CHD1: variants seen among roughly 807,000 people sequenced by gnomAD.
CHD1 encodes ATP-dependent chromatin remodeler CHD1.
In CHD1, 36 loss-of-function variants were observed where a neutral mutation model predicts 224.2. The observed-to-expected ratio is 0.16, with a 90% confidence interval of 0.12 to 0.21. The LOEUF (loss-of-function observed/expected upper bound fraction) is 0.21, where lower values mean the gene tolerates loss of function less well. CHD1 is among the 10% of genes least tolerant of loss of function. The probability of loss-of-function intolerance (pLI) is 1.00; values close to 1 mark genes in which losing one functional copy is unlikely to be tolerated. For missense variants in CHD1, 1,378 were observed against 1,994.8 expected (o/e 0.69, Z 5.89); for synonymous variants, 668 against 658.3 (o/e 1.01, Z -0.23).
At chr5:98,879,448 A>G (rs1028615934) in intron 23 of CHD1, 104 bp downstream of exon 23, 2 of 957,012 alleles carry the variant, frequency 2.1e-6, no homozygotes, top group Non-Finnish European at 3.0e-6. Flanking sequence ...CAAGGCCATT[A>G]CAAGAAAAGA....
At chr5:98,880,165 C>T (rs1750064953) in intron 22 of CHD1, among the ~76,000 whole-genome samples, 1 of 152,196 alleles carries the variant, frequency 6.6e-6, no homozygotes, top group African/African-American at 2.4e-5. Context: ...TGAGAGCACA[C>T]TAATTTCTGT....
chr5:98,873,818 C>T (rs925233061), intron 25 of CHD1, 95 bp from the exon 26 acceptor site: 24 of 1,111,810 alleles, frequency 2.2e-5, no homozygotes, highest in Admixed American at 4.4e-5. Flanking sequence ...CTGAATATCA[C>T]TCTACTGCAT....
intron 2 of CHD1, among the ~76,000 whole-genome samples, chr5:98,920,803 A>C (rs1350194484): frequency 2.0e-5 from 3 of 151,690 alleles, no homozygotes; most frequent in African/African-American, 7.3e-5. Flanking sequence ...TCTCAAAAAA[A>C]AAAAAAAAAA....
At chr5:98,910,004 T>A (rs1214492351) in intron 2 of CHD1, among the ~76,000 whole-genome samples, 1 of 152,180 alleles carries the variant, frequency 6.6e-6, no homozygotes, top group Admixed American at 6.5e-5. Flanking sequence ...CCCAGCCATT[T>A]TATCAAAAAG....
At chr5:98,877,114 A>G (rs1749817648) in intron 23 of CHD1, among the ~76,000 whole-genome samples, 1 of 152,220 alleles carries the variant, frequency 6.6e-6, no homozygotes, top group South Asian at 2.1e-4. Context: ...CTGAGGCTGC[A>G]GTGAGCCATG....
At chr5:98,892,039 T>C (rs1005936769) in intron 15 of CHD1, among the ~76,000 whole-genome samples, 3 of 152,236 alleles carry the variant, frequency 2.0e-5, no homozygotes, top group Non-Finnish European at 4.4e-5. Context: ...TGCAATTAAA[T>C]GTTTAAACAG....
chr5:98,916,459 C>T (rs193019126), intron 2 of CHD1, among the ~76,000 whole-genome samples: 21 of 145,058 alleles, frequency 1.4e-4, no homozygotes, highest in East Asian at 1.2e-3. Flanking sequence ...GCAAGAGAAT[C>T]GCTTGAACCC....
intron 26 of CHD1, among the ~76,000 whole-genome samples, 174 bp downstream of exon 26, chr5:98,873,419 C>T (rs162141): frequency 0.053 from 8,135 of 152,152 alleles, 718 homozygotes; most frequent in African/African-American, 0.19. Flanking sequence ...CTACTGCCTT[C>T]GAATTGCAAT....
intron 14 of CHD1, 72 bp from the exon 15 acceptor site, chr5:98,892,785 T>G: frequency 1.0e-6 from 1 of 963,268 alleles, no homozygotes; most frequent in Non-Finnish European, 1.4e-6. Context: ...GAACTTTTTT[T>G]TTTAGGGGAG....
chr5:98,868,469 T>C (rs1186119278), intron 31 of CHD1, 26 bp downstream of exon 31: 1 of 1,582,400 alleles, frequency 6.3e-7, no homozygotes, highest in Non-Finnish European at 8.5e-7. Context: ...GAGTTAATAC[T>C]AATAATCAGA....
chr5:98,883,216 T>A lies in CHD1; in HGVS notation c.2590A>T (p.Thr864Ser). 1 of 1,576,586 alleles carries A rather than the reference T, an allele frequency of 6.3e-7. No individual in the cohort carries two copies. The highest frequency in any genetic ancestry group is 8.5e-7 in the Non-Finnish European group (1 of 1,169,886). Residue 864 changes from threonine (T) to serine (S), a missense_variant, in exon 19 of 36, where the codon ACA becomes TCA. Physicochemically the swap from Thr to Ser is moderately conservative, Grantham distance 58. Coordinates refer to ENST00000614616, the MANE Select transcript of CHD1 (RefSeq NM_001270.4). ...TTAATCCCTAGACCTCCAGCTCTTG[T>A]GGACAGCAAAAAGCAAAAATCCTGT... is the stretch of plus-strand genomic sequence containing the variant. Reference protein sequence around the residue: ...GSEDFCFLLSTRAGGLGINLA... With the variant: ...GSEDFCFLLSSRAGGLGINLA...
chr5:98,863,202 CT>C (rs1748602510), intron 32 of CHD1, among the ~76,000 whole-genome samples: 1 of 151,960 alleles, frequency 6.6e-6, no homozygotes, highest in Non-Finnish European at 1.5e-5. Context: ...AGAGATGCCA[CT>C]TGTTACATAC....
intron 8 of CHD1, 92 bp downstream of exon 8, chr5:98,899,388 A>G: frequency 5.0e-6 from 4 of 802,678 alleles, no homozygotes; most frequent in Non-Finnish European, 7.9e-6. Context: ...ATTTTAGGCT[A>G]TCATTTAATG....
chr5:98,868,555 A>C lies in CHD1; in HGVS notation c.4188T>G (p.Ser1396Arg). Residue 1396 changes from serine (S) to arginine (R), a missense_variant, in exon 31 of 36, where the codon AGT (serine) becomes AGG (arginine). Physicochemically the swap from Ser to Arg is moderately radical, Grantham distance 110 (BLOSUM62 -1). Coordinates refer to ENST00000614616, the MANE Select transcript of CHD1 (RefSeq NM_001270.4). ...VSDAPVHITA[S>R]GEPVPISEES... ...CTTCAGAAATGGGAACTGGTTCACC[A>C]CTTGCCGTGATATGAACTGGAGCAT... 6.2e-7 allele frequency: 1 copy of C among 1,612,992 alleles called. No homozygotes were observed.
chr5:98,909,232 T>C (rs1440836467), intron 2 of CHD1, among the ~76,000 whole-genome samples: 1 of 152,214 alleles, frequency 6.6e-6, no homozygotes, highest in Non-Finnish European at 1.5e-5. Flanking sequence ...TCCACTCTTC[T>C]GCTTTCCAGA....
At chr5:98,875,050 T>C (rs1428039024) in intron 25 of CHD1, 22 bp downstream of exon 25, 2 of 1,192,926 alleles carry the variant, frequency 1.7e-6, no homozygotes, top group South Asian at 1.3e-5. Context: ...CATTATTCTA[T>C]GAGAATAATA....
chr5:98,856,534 T>G lies in CHD1; in HGVS notation c.4979A>C (p.Tyr1660Ser), dbSNP rs755887026. Residue 1660 changes from tyrosine (Y) to serine (S), a missense_variant, in exon 36 of 36, where the codon TAT (tyrosine) becomes TCT (serine). Tyr to Ser is a moderately radical substitution (Grantham distance 144). Coordinates refer to ENST00000614616, the MANE Select transcript of CHD1 (RefSeq NM_001270.4). ...THHKSSRDYR[Y>S]HSDWQMDHRA... ...GTGGTCCATTTGCCAGTCTGAGTGA[T>G]ACCTATAATCCCTGGAAGATTTATG... The G allele has an allele frequency of 1.2e-6, 2 of 1,613,944 alleles. No individual in the cohort carries two copies. The highest frequency in any genetic ancestry group is 4.5e-5 in the East Asian group (2 of 44,880).
At chr5:98,872,322 T>C (rs1009586839) in intron 27 of CHD1, 95 bp downstream of exon 27, 17 of 1,461,906 alleles carry the variant, frequency 1.2e-5, no homozygotes, top group African/African-American at 2.9e-5. Flanking sequence ...CTTTTTTTTT[T>C]CAAAACTAGC....
intron 2 of CHD1, among the ~76,000 whole-genome samples, chr5:98,920,927 C>A (rs1753052524): frequency 6.6e-6 from 1 of 151,884 alleles, no homozygotes; most frequent in Non-Finnish European, 1.5e-5. Context: ...TGAAAGGAGA[C>A]TGGGGAGACG....
Sources: gnomAD v4.1 joint callset for allele counts (sites outside exome capture counted in the v4.1 genomes callset) on GRCh38, gnomAD v4.1.1 for gene constraint, MANE v1.5 for transcripts, NCBI Gene and HGNC (gene_info 2026-07-23, HGNC 2026-07-21) for gene names.